The following IL24 variants were observed in gnomAD, a reference collection of about 807,000 sequenced individuals.
The protein encoded by IL24 is interleukin 24, also known as interleukin-24.
IL24 carries 24 observed loss-of-function variants against 27.6 expected under a neutral mutation model. The ratio of observed to expected loss-of-function variants is 0.87; its 90% CI spans 0.63 to 1.22. The LOEUF is 1.22. Among genes scored for constraint, IL24 ranks in the 50% most tolerant of loss-of-function variants. The pLI is 0.00. For synonymous variants in IL24, 99 were observed against 93.1 expected (o/e 1.06, Z -0.36); for missense variants, 240 against 237.0 (o/e 1.01, Z -0.08).
In IL24 at chr1:206,897,809, C is replaced by G. The variant is rs2102520875; in HGVS notation, c.-24C>G. The G allele has an allele frequency of 6.2e-7, 1 of 1,612,128 alleles. No individual in the cohort carries two copies. Among genetic ancestry groups the G allele is most frequent in the East Asian group, 2.2e-5 (1 of 44,828 alleles). On this transcript the variant is annotated 5_prime_UTR_variant, in exon 2 of 7. Coordinates refer to ENST00000294984, the MANE Select transcript of IL24 (RefSeq NM_006850.3). ...GAATTGAGGCTGCTTGGGAGGAAGG[C>G]CAGGAGGAACACGAGACTGAGAGAT...
At position 206,903,809 on chromosome 1, in the gene IL24, G is replaced by A. The variant is rs1678498911; in HGVS notation, c.*750G>A. ...CTTGCTGATGGTGACATTGCACCTG[G>A]ATGTACTATCCAATCTGTGATGACA... On this transcript the variant is annotated 3_prime_UTR_variant, in exon 7 of 7. Coordinates refer to ENST00000294984, the MANE Select transcript of IL24 (RefSeq NM_006850.3). 6.6e-6 allele frequency: 1 copy of A among 152,134 alleles called. No individual in the cohort carries two copies. Among genetic ancestry groups the A allele is most frequent in the Non-Finnish European group, 1.5e-5 (1 of 68,046 alleles). The allele number at this position is 152,134 out of a possible 1,614,324, so 9.4% of individuals were successfully genotyped here.
In IL24 at chr1:206,903,755, C is replaced by T. The variant is rs1478991591; in HGVS notation, c.*696C>T. Reference sequence around the variant, plus strand: ...TTTTTTTTATCCTAGTCATTCTTCCCTAATCTTCCACTTGAGTGTCAAGCT... The same window carrying T: ...TTTTTTTTATCCTAGTCATTCTTCCTTAATCTTCCACTTGAGTGTCAAGCT... On this transcript the variant is annotated 3_prime_UTR_variant, in exon 7 of 7. Transcript: ENST00000294984. 1.3e-5 allele frequency: 2 copies of T among 152,200 alleles called. No individual in the cohort carries two copies. Among genetic ancestry groups the T allele is most frequent in the Non-Finnish European group, 2.9e-5 (2 of 68,032 alleles). The allele number at this position is 152,200 out of a possible 1,614,324, so 9.4% of individuals were successfully genotyped here.
Position 206,903,098 on chromosome 1 carries a change from TG to T in IL24, c.*40del, listed in dbSNP as rs774452989. On this transcript the variant is annotated 3_prime_UTR_variant, in exon 7 of 7. Transcript: ENST00000294984. ...GACCTCCCTCCCCCTGGCACTGGTT[TG>T]TTCCCTGTGTCATTTCAAACAGTCT... The T allele has an allele frequency of 2.8e-5, 42 of 1,526,884 alleles. No homozygotes were observed. Among genetic ancestry groups the T allele is most frequent in the Non-Finnish European group, 3.5e-5 (39 of 1,100,618 alleles). 94.6% of individuals were successfully genotyped at this position (1,526,884 alleles called of 1,614,324 possible).
In IL24 at chr1:206,903,240, G is replaced by A. The variant is rs530811670; in HGVS notation, c.*181G>A. The A allele has an allele frequency of 1.7e-5, 10 of 587,288 alleles. No individual in the cohort carries two copies. The South Asian group carries it at 1.9e-4, about 11-fold the overall frequency. The allele number at this position is 587,288 out of a possible 1,614,324, so 36.4% of individuals were successfully genotyped here. A position where few individuals can be genotyped will look rare whatever the true frequency, so the allele number is the denominator to read the frequency against. On this transcript the variant is annotated 3_prime_UTR_variant, in exon 7 of 7. Transcript: ENST00000294984. ...AGCAGCGCCAGTGACAGTCAGGGAA[G>A]GTGCCTCTGGATGCTGTGAAGAGTC...
At position 206,897,863 on chromosome 1, in the gene IL24, T is replaced by C. The variant is rs760382962; in HGVS notation, c.31T>C (p.Trp11Arg). 1 of 1,606,504 alleles carries C rather than the reference T, an allele frequency of 6.2e-7. No homozygotes were observed. Among genetic ancestry groups the C allele is most frequent in the East Asian group, 2.2e-5 (1 of 44,814 alleles). Residue 11 changes from tryptophan to arginine, a missense_variant, in exon 2 of 7, where the codon TGG becomes CGG. Trp to Arg is a moderately radical substitution (Grantham distance 101). Transcript: ENST00000294984. Reference protein sequence around the residue: MNFQQRLQSLWTLARPFCPPL... With the variant: MNFQQRLQSLRTLARPFCPPL... ...TTTTCAACAGAGGCTGCAAAGCCTG[T>C]GGACTTTAGCCAGGTGCGGTGGCTC...
chr1:206,901,666 G>A lies in IL24; in HGVS notation c.462+14G>A, dbSNP rs182516007. 396 of 1,606,144 alleles carry A rather than the reference G, an allele frequency of 2.5e-4. 5 individuals carry two copies. The East Asian group carries it at 6.0e-3, about 24-fold the overall frequency. ...CTGCAACCCAGTGTGAGTAGCACAC[G>A]CTCTGGATACTGGCAGCTCTGGGTT... On this transcript the variant is annotated intron_variant, in intron 5 of 6. Coordinates refer to ENST00000294984, the MANE Select transcript of IL24 (RefSeq NM_006850.3).
At chr1:206,901,910 C>A (rs1490675617) in intron 5 of IL24, 88 bp from the exon 6 acceptor site, 16 of 1,346,294 alleles carry the variant, frequency 1.2e-5, no homozygotes, top group Non-Finnish European at 1.7e-5. Context: ...CTTTGGGAGA[C>A]CCTGTGGCAT....
chr1:206,902,118 G>A, intron 6 of IL24, 46 bp downstream of exon 6: 1 of 1,610,100 alleles, frequency 6.2e-7, no homozygotes. Flanking sequence ...GAATAGACTA[G>A]TCTGCACCAT....
chr1:206,902,542 TA>T (rs1678432582), intron 6 of IL24: 1 of 976,340 alleles, frequency 1.0e-6, no homozygotes, highest in Non-Finnish European at 1.2e-6. Flanking sequence ...CCAGCCCCCC[TA>T]AAAACATAAA....
intron 4 of IL24, among the ~76,000 whole-genome samples, chr1:206,901,149 C>G (rs1181401765): frequency 6.6e-6 from 1 of 152,142 alleles, no homozygotes; most frequent in East Asian, 1.9e-4. Context: ...TTTCAGGGTC[C>G]ATCACATCCC....
chr1:206,902,103 C>A, intron 6 of IL24, 31 bp downstream of exon 6: 1 of 1,613,506 alleles, frequency 6.2e-7, no homozygotes, highest in South Asian at 1.1e-5. Context: ...CTTGCCCATC[C>A]AGCAGAATAG....
chr1:206,897,731 G>A lies in IL24; in HGVS notation c.-102G>A. 1 of 1,241,220 alleles carries A rather than the reference G, an allele frequency of 8.1e-7. No individual in the cohort carries two copies. Among genetic ancestry groups the A allele is most frequent in the Non-Finnish European group, 1.2e-6 (1 of 857,232 alleles). The allele number at this position is 1,241,220 out of a possible 1,614,324, so 76.9% of individuals were successfully genotyped here. A position where few individuals can be genotyped will look rare whatever the true frequency, so the allele number is the denominator to read the frequency against. On this transcript the variant is annotated splice_region_variant and 5_prime_UTR_variant, in exon 2 of 7. Coordinates refer to ENST00000294984, the MANE Select transcript of IL24 (RefSeq NM_006850.3). ...TCAATTTTTTTGAGTGTTGATGTAGGGACAAGACATGACTGTGATGAGGAG... is the reference window on the plus strand; with the variant it reads ...TCAATTTTTTTGAGTGTTGATGTAGAGACAAGACATGACTGTGATGAGGAG...
intron 4 of IL24, 83 bp from the exon 5 acceptor site, chr1:206,901,411 C>G: frequency 1.4e-6 from 2 of 1,461,828 alleles, no homozygotes; most frequent in South Asian, 2.8e-5. Context: ...GCTTATCTTG[C>G]CTTGGGTGGC....
Position 206,900,312 on chromosome 1 carries a change from C to T in IL24, c.258C>T (p.Ile86=), listed in dbSNP as rs1678327406. The T allele has an allele frequency of 6.2e-7, 1 of 1,613,874 alleles. No homozygotes were observed. The highest frequency in any genetic ancestry group is 1.7e-5 in the Admixed American group (1 of 60,008). ...VKDTMQAQDN[I]TSARLLQQEV... is the part of the protein sequence containing the mutation. ...TTGCCAAGCAAGCTCAGGATAACAT[C>T]ACGAGTGCCCGGCTGCTGCAGCAGG... Residue 86 remains isoleucine, a synonymous_variant, in exon 4 of 7, where the codon ATC becomes ATT. Coordinates refer to ENST00000294984, the MANE Select transcript of IL24 (RefSeq NM_006850.3).
chr1:206,901,970 G>C, intron 5 of IL24, 28 bp from the exon 6 acceptor site: 1 of 1,610,392 alleles, frequency 6.2e-7, no homozygotes, highest in Non-Finnish European at 8.5e-7. Context: ...CTAAAAATTG[G>C]CACAACTTCT....
rs528680053 is a variant in IL24 at position 206,903,705 on chromosome 1, A to G, written c.*646A>G. 2 of 152,248 alleles carry G rather than the reference A, an allele frequency of 1.3e-5. No individual in the cohort carries two copies. Among genetic ancestry groups the G allele is most frequent in the Non-Finnish European group, 2.9e-5 (2 of 68,000 alleles). The allele number at this position is 152,248 out of a possible 1,614,324, so 9.4% of individuals were successfully genotyped here. On this transcript the variant is annotated 3_prime_UTR_variant, in exon 7 of 7. Transcript: ENST00000294984. ...CCCACACTCGCCAGCTCACCCCATC[A>G]TCCCTTTCCCTTGGTGCCCTCCTTT...
chr1:206,899,551 G>T, intron 3 of IL24, 36 bp downstream of exon 3: 1 of 1,503,452 alleles, frequency 6.7e-7, no homozygotes, highest in Non-Finnish European at 8.9e-7. Context: ...AGTCGTGGGG[G>T]TTCCTGGGGG....
At chr1:206,899,648 T>C in intron 3 of IL24, 133 bp downstream of exon 3, 1 of 714,092 alleles carries the variant, frequency 1.4e-6, no homozygotes, top group African/African-American at 1.8e-5. Context: ...TCCCATATAA[T>C]AACTCTGTGA....
At chr1:206,897,661 C>G (rs1252484644) in intron 1 of IL24, 46 bp downstream of exon 1, 1 of 570,460 alleles carries the variant, frequency 1.8e-6, no homozygotes. Flanking sequence ...AGGACTAGAC[C>G]TCTGCTTTAT....
Sources: allele counts gnomAD v4.1 joint callset (sites outside exome capture counted in the v4.1 genomes callset), GRCh38; gene constraint gnomAD v4.1.1; transcripts MANE v1.5; gene names NCBI Gene and HGNC (gene_info 2026-07-23, HGNC 2026-07-21).